Variants in PTPN12 observed in about 807,000 individuals in gnomAD.
The protein encoded by PTPN12 is tyrosine-protein phosphatase non-receptor type 12.
PTPN12 carries 29 observed loss-of-function variants against 97.6 expected under a neutral mutation model. That is an observed-to-expected ratio of 0.30 (90% CI 0.22 to 0.41). The LOEUF (loss-of-function observed/expected upper bound fraction) is 0.41, where lower values mean the gene tolerates loss of function less well. Ranked by LOEUF, PTPN12 falls within the 10% of genes least tolerant of loss-of-function variation. PTPN12 has a pLI of 1.00. For missense variants in PTPN12, 819 were observed against 926.0 expected (o/e 0.88, Z 1.50); for synonymous variants, 327 against 300.4 (o/e 1.09, Z -0.91).
At chr7:77,585,329 A>C in intron 4 of PTPN12, 1 of 432,354 alleles carries the variant, frequency 2.3e-6, no homozygotes, top group Non-Finnish European at 4.1e-6. Context: ...TGTTAATTGG[A>C]ACCAATTTAA....
chr7:77,585,657 A>G, intron 5 of PTPN12, 76 bp downstream of exon 5: 6 of 1,327,216 alleles, frequency 4.5e-6, no homozygotes, highest in Non-Finnish European at 6.4e-6. Flanking sequence ...TATAGTCTTA[A>G]CATAAGCGGT....
chr7:77,560,209 A>G (rs1322420335), intron 1 of PTPN12, among the ~76,000 whole-genome samples: 1 of 152,230 alleles, frequency 6.6e-6, no homozygotes, highest in Non-Finnish European at 1.5e-5. Context: ...CAGTTAATTC[A>G]TGAATAGGTC....
intron 1 of PTPN12, among the ~76,000 whole-genome samples, chr7:77,553,153 C>G (rs1322444346): frequency 6.6e-6 from 1 of 152,150 alleles, no homozygotes; most frequent in Non-Finnish European, 1.5e-5. Context: ...TGAGAGCAGA[C>G]ATTGTGTATG....
intron 1 of PTPN12, among the ~76,000 whole-genome samples, chr7:77,548,752 A>G (rs1024650640): frequency 6.6e-6 from 1 of 152,224 alleles, no homozygotes; most frequent in Non-Finnish European, 1.5e-5. Flanking sequence ...AAAGTAGCTT[A>G]AGTGAAGAAA....
intron 13 of PTPN12, among the ~76,000 whole-genome samples, chr7:77,631,878 A>G (rs1490569985): frequency 6.6e-6 from 1 of 152,278 alleles, no homozygotes; most frequent in Non-Finnish European, 1.5e-5. Context: ...AGTTAAGTTT[A>G]AAATGAGTCA....
Position 77,627,259 on chromosome 7 carries a change from C to G in PTPN12, c.1580C>G (p.Pro527Arg), listed in dbSNP as rs1360369234. The G allele has an allele frequency of 6.2e-7, 1 of 1,614,038 alleles. No homozygotes were observed. Among genetic ancestry groups the G allele is most frequent in the African/African-American group, 1.3e-5 (1 of 74,934 alleles). The change falls in exon 13 of 18, where the codon CCT becomes CGT. Residue 527 changes from proline to arginine, a missense_variant. Pro to Arg is a moderately radical substitution (Grantham distance 103). Coordinates refer to ENST00000248594, the MANE Select transcript of PTPN12 (RefSeq NM_002835.4). ...SDTPPRPDRL[P>R]LDEKGHVTWS... ...ACACCTCCAAGGCCAGACCGCTTGC[C>G]TCTTGATGAGAAAGGACATGTAACG...
intron 11 of PTPN12, among the ~76,000 whole-genome samples, chr7:77,618,214 C>T (rs899049455): frequency 6.6e-6 from 1 of 151,938 alleles, no homozygotes; most frequent in African/African-American, 2.4e-5. Context: ...TGTTTTTTTA[C>T]GGTAGCATTT....
At chr7:77,594,621 C>T (rs1562735946) in intron 6 of PTPN12, among the ~76,000 whole-genome samples, 1 of 152,164 alleles carries the variant, frequency 6.6e-6, no homozygotes, top group Non-Finnish European at 1.5e-5. Flanking sequence ...AAGTGATTCT[C>T]TCACCTCAGC....
chr7:77,639,551 T>A lies in PTPN12; in HGVS notation c.*271T>A, dbSNP rs1326631234. ...AGACATGTTAATATAGTAATACCTT[T>A]ATGATATATTGAGTTTAAGGACTAC... On this transcript the variant is annotated 3_prime_UTR_variant, in exon 18 of 18. Transcript: ENST00000248594. The A allele has an allele frequency of 2.8e-6, 1 of 351,740 alleles. No individual in the cohort carries two copies. The highest frequency in any genetic ancestry group is 5.1e-6 in the Non-Finnish European group (1 of 195,362). The allele number at this position is 351,740 out of a possible 1,614,324, so 21.8% of individuals were successfully genotyped here.
chr7:77,548,659 C>G (rs944147170), intron 1 of PTPN12, among the ~76,000 whole-genome samples: 3 of 152,130 alleles, frequency 2.0e-5, no homozygotes, highest in African/African-American at 7.2e-5. Context: ...CTTCCTACCC[C>G]CCTAGAGTAG....
rs768889551 is a variant in PTPN12, at chr7:77,588,298, ATTAG to A, written c.420+2723_420+2726del. On this transcript the variant is annotated intron_variant, in intron 5 of 17. Transcript: ENST00000248594. ...AATACTTTGAGGCCATTGTAGGGTT[ATTAG>A]TTAGTCTAATTTCAATATTGTGTCT... is the stretch of plus-strand genomic sequence containing the variant. 5.9e-5 allele frequency among the ~76,000 whole-genome samples: 9 copies of A among 152,138 alleles called. No individual in the cohort carries two copies. The East Asian group carries it at 7.7e-4, about 13-fold the overall frequency.
chr7:77,627,286 G>T lies in PTPN12; in HGVS notation c.1607G>T (p.Trp536Leu). The change falls in exon 13 of 18, where the codon TGG (tryptophan) becomes TTG (leucine). Residue 536 changes from tryptophan (W) to leucine (L), a missense_variant. Trp to Leu is a moderately conservative substitution (Grantham distance 61, BLOSUM62 -2). Around this residue, in one of 5 missense-constraint regions of PTPN12, gnomAD observed 607 missense variants for 577.3 expected, o/e 1.05. Coordinates refer to ENST00000248594, the MANE Select transcript of PTPN12 (RefSeq NM_002835.4). ...CTTGATGAGAAAGGACATGTAACGT[G>T]GTCATTTCATGGACCTGAAAATGCC... is the stretch of plus-strand genomic sequence containing the variant. ...LPLDEKGHVT[W>L]SFHGPENAIP... 1 of 1,613,992 alleles carries T rather than the reference G, an allele frequency of 6.2e-7. No homozygotes were observed. Among genetic ancestry groups the T allele is most frequent in the Non-Finnish European group, 8.5e-7 (1 of 1,180,002 alleles).
intron 4 of PTPN12, chr7:77,585,321 T>C: frequency 2.4e-6 from 1 of 417,678 alleles, no homozygotes; most frequent in East Asian, 3.8e-5. Flanking sequence ...AAACATCATG[T>C]TAATTGGAAC....
At chr7:77,611,136 T>G (rs1237466687) in intron 11 of PTPN12, 90 bp downstream of exon 11, 2 of 986,964 alleles carry the variant, frequency 2.0e-6, no homozygotes, top group Admixed American at 4.3e-5. Flanking sequence ...TTGTGTTTTG[T>G]CTAACATGAG....
chr7:77,607,693 T>C (rs763030254), intron 9 of PTPN12, among the ~76,000 whole-genome samples: 35 of 152,222 alleles, frequency 2.3e-4, no homozygotes, highest in Non-Finnish European at 3.2e-4. Flanking sequence ...GAGTGAATAC[T>C]TGCATTAGGA....
At chr7:77,552,829 T>G (rs1389740980) in intron 1 of PTPN12, among the ~76,000 whole-genome samples, 1 of 152,196 alleles carries the variant, frequency 6.6e-6, no homozygotes, top group Non-Finnish European at 1.5e-5. Context: ...AGTACATGAT[T>G]TGAACCACTC....
chr7:77,559,216 G>A lies in PTPN12; in HGVS notation c.100-11862G>A, dbSNP rs73706206. 7.3e-3 allele frequency among the ~76,000 whole-genome samples: 1,111 copies of A among 152,302 alleles called. 13 individuals are homozygous for A. Among genetic ancestry groups the A allele is most frequent in the African/African-American group, 0.025 (1,047 of 41,562 alleles). On this transcript the variant is annotated intron_variant, in intron 1 of 17. Coordinates refer to ENST00000248594, the MANE Select transcript of PTPN12 (RefSeq NM_002835.4). Reference sequence around the variant, plus strand: ...ACAACTTATTTCTGCAGGAATTAGAGGATCGTGTGTAATTTCATTAGAAGA... The same window carrying A: ...ACAACTTATTTCTGCAGGAATTAGAAGATCGTGTGTAATTTCATTAGAAGA...
At chr7:77,582,081 G>GTTTTTTTTTTTT (rs1237836254) in intron 3 of PTPN12, among the ~76,000 whole-genome samples, 1 of 74,336 alleles carries the variant, frequency 1.3e-5, no homozygotes, top group Non-Finnish European at 2.7e-5. Context: ...AAGCAGTCAA[G>GTTTTTTTTTTTT]TTCTTTTTTT....
chr7:77,609,651 C>A (rs1788496010), intron 9 of PTPN12, among the ~76,000 whole-genome samples: 2 of 150,614 alleles, frequency 1.3e-5, no homozygotes, highest in African/African-American at 2.4e-5. Flanking sequence ...GAAGCCGAGG[C>A]GGGCGGATCA....
Sources: allele counts gnomAD v4.1 joint callset (sites outside exome capture counted in the v4.1 genomes callset), GRCh38; gene constraint gnomAD v4.1.1; regional missense constraint gnomAD v4.1.1; transcripts MANE v1.5; gene names NCBI Gene and HGNC (gene_info 2026-07-23, HGNC 2026-07-21).